The following ESPN variants were observed in gnomAD, a reference collection of about 807,000 sequenced individuals.
ESPN encodes autosomal recessive deafness type 36 protein.
A neutral mutation model predicts 77.7 loss-of-function variants in ESPN; 68 were observed. The observed-to-expected ratio is 0.87, with a 90% CI of 0.72 to 1.07. The LOEUF is 1.07. Among genes scored for constraint, ESPN ranks in the 50% least tolerant of loss-of-function variants. The pLI is 0.00. For synonymous variants in ESPN, 449 were observed against 567.1 expected (o/e 0.79, Z 2.96); for missense variants, 1,060 against 1,239.0 (o/e 0.86, Z 2.17).
intron 7 of ESPN, chr1:6,448,393 C>G (rs1048842736): frequency 2.1e-6 from 1 of 476,950 alleles, no homozygotes; most frequent in Non-Finnish European, 3.7e-6. Flanking sequence ...CAGTGGGGGC[C>G]CCTGTGCCCC....
In ESPN at chr1:6,451,080, G is replaced by A. The variant is rs1248176993; in HGVS notation, c.1916-523G>A. Reference sequence around the variant, plus strand: ...TCTGCTTGTGCATCTGTCTGTGGGTGTGGTGGGGAGGGAGGGGACCAGGTG... The same window carrying A: ...TCTGCTTGTGCATCTGTCTGTGGGTATGGTGGGGAGGGAGGGGACCAGGTG... On this transcript the variant is annotated intron_variant, in intron 8 of 12. Transcript: ENST00000645284. The surrounding 1 kb of genome is among the most constrained non-coding windows in gnomAD (Gnocchi z 4.3). 6.6e-6 allele frequency among the ~76,000 whole-genome samples: 1 copy of A among 152,236 alleles called. No homozygotes were observed. Among genetic ancestry groups the A allele is most frequent in the Admixed American group, 6.5e-5 (1 of 15,288 alleles).
chr1:6,458,032 T>G (rs9435265), intron 12 of ESPN, among the ~76,000 whole-genome samples: 1,613 of 151,580 alleles, frequency 0.011, 37 homozygotes, highest in African/African-American at 0.037. Context: ...AAAAAAAATT[T>G]TTTTTTGAGA....
chr1:6,453,920 G>T (rs1272582152), intron 10 of ESPN, among the ~76,000 whole-genome samples: 1 of 152,220 alleles, frequency 6.6e-6, no homozygotes, highest in African/African-American at 2.4e-5. Context: ...AGCTGCAGCT[G>T]CAGCCTCTTT....
At chr1:6,429,018 C>T (rs768888171) in intron 2 of ESPN, among the ~76,000 whole-genome samples, 10 of 151,822 alleles carry the variant, frequency 6.6e-5, no homozygotes, top group Non-Finnish European at 1.3e-4. Flanking sequence ...GGATCCCAAA[C>T]CTCCTGGGGA....
chr1:6,445,517 C>G, intron 6 of ESPN, 147 bp from the exon 7 acceptor site: 1 of 884,492 alleles, frequency 1.1e-6, no homozygotes, highest in African/African-American at 1.7e-5. Flanking sequence ...AGCCCAGCAC[C>G]GCCAGGGGCC....
rs574098073 is a variant in ESPN at position 6,435,225 on chromosome 1, G to A, written c.489-5029G>A. Among the ~76,000 whole-genome samples, 47 of 152,112 alleles carry A rather than the reference G, an allele frequency of 3.1e-4. No homozygotes were observed. The South Asian group carries it at 9.6e-3, about 31-fold the overall frequency. ...TTTCAATTCAAAGCAGTCACAGGCCGCAGCTGGACTGATCCTCGGATGGAG... is the reference window on the plus strand; with the variant it reads ...TTTCAATTCAAAGCAGTCACAGGCCACAGCTGGACTGATCCTCGGATGGAG... On this transcript the variant is annotated intron_variant, in intron 2 of 12. Transcript: ENST00000645284.
intron 5 of ESPN, among the ~76,000 whole-genome samples, chr1:6,441,957 T>TC (rs1333656507): frequency 6.6e-6 from 1 of 151,906 alleles, no homozygotes; most frequent in African/African-American, 2.4e-5. Context: ...AGGATGAACT[T>TC]CCCCCCGCGA....
intron 2 of ESPN, among the ~76,000 whole-genome samples, chr1:6,433,746 C>A (rs1414213147): frequency 1.3e-5 from 2 of 152,220 alleles, no homozygotes; most frequent in African/African-American, 4.8e-5. Context: ...CCTGCCTTCA[C>A]AGAGGCTGAT....
chr1:6,456,400 G>T, intron 10 of ESPN: 1 of 365,526 alleles, frequency 2.7e-6, no homozygotes. Context: ...GATAGGCAGG[G>T]CAGGCACAGA....
chr1:6,426,221 T>C (rs1643028528), intron 1 of ESPN, among the ~76,000 whole-genome samples: 1 of 152,160 alleles, frequency 6.6e-6, no homozygotes, highest in East Asian at 1.9e-4. Flanking sequence ...CCTTCTGCCT[T>C]CAGATAGCAA....
chr1:6,449,834 G>A (rs1440909245), intron 8 of ESPN, among the ~76,000 whole-genome samples: 1 of 152,172 alleles, frequency 6.6e-6, no homozygotes, highest in Non-Finnish European at 1.5e-5. Flanking sequence ...GAAGGCCCAG[G>A]ACAGAGTGCC....
Position 6,451,607 on chromosome 1 carries a change from C to A in ESPN, c.1920C>A (p.Thr640=). Residue 640 remains threonine (T), a synonymous_variant, in exon 9 of 13, where the codon ACC becomes ACA. Transcript: ENST00000645284. The surrounding 1 kb of genome is among the most constrained non-coding windows in gnomAD (Gnocchi z 4.3). The part of the protein sequence containing the change: ...QRRSSSSTGS[T]KSFNMMSPTG... ...TCATCTCCTGCCTCCGCATAGGCAC[C>A]AAGTCTTTCAACATGATGTCCCCGA... 1.2e-6 allele frequency: 2 copies of A among 1,612,820 alleles called. No homozygotes were observed. The highest frequency in any genetic ancestry group is 1.7e-6 in the Non-Finnish European group (2 of 1,179,794).
intron 10 of ESPN, chr1:6,456,100 CTG>C (rs878958225): frequency 5.0e-6 from 2 of 398,008 alleles, no homozygotes; most frequent in South Asian, 2.5e-4. Flanking sequence ...GAACTGGTGT[CTG>C]AGATGGGCGA....
At chr1:6,439,714 G>A (rs1183704799) in intron 2 of ESPN, among the ~76,000 whole-genome samples, 3 of 152,130 alleles carry the variant, frequency 2.0e-5, no homozygotes, top group Admixed American at 1.3e-4. Context: ...TGTAGACCTC[G>A]GTTAAAAAGT....
At position 6,451,826 on chromosome 1, in the gene ESPN, C is replaced by A; in HGVS notation, c.2062-7C>A. 6.2e-7 allele frequency: 1 copy of A among 1,611,194 alleles called. No homozygotes were observed. Among genetic ancestry groups the A allele is most frequent in the Non-Finnish European group, 8.5e-7 (1 of 1,179,260 alleles). ...CGGGCGCTCAGCCCCACCGCTTCTC[C>A]CTGCAGCCCGATTCGCCGCTGCCTT... On this transcript the variant is annotated splice_region_variant and splice_polypyrimidine_tract_variant and intron_variant, in intron 9 of 12. Coordinates refer to ENST00000645284, the MANE Select transcript of ESPN (RefSeq NM_031475.3). This position sits in a 1 kb window ranked among gnomAD's most constrained non-coding sequence, Gnocchi z 4.3.
At chr1:6,459,228 G>A (rs1220566847) in intron 12 of ESPN, among the ~76,000 whole-genome samples, 3 of 148,936 alleles carry the variant, frequency 2.0e-5, no homozygotes, top group South Asian at 2.1e-4. Flanking sequence ...GTGACAGAGC[G>A]AGACTCTGTC....
chr1:6,458,872 A>C (rs1379019610), intron 12 of ESPN, among the ~76,000 whole-genome samples: 1 of 150,628 alleles, frequency 6.6e-6, no homozygotes, highest in Non-Finnish European at 1.5e-5. Context: ...CGGAGGTTGC[A>C]GTGAGCCAGG....
In ESPN at chr1:6,452,807, T is replaced by C. The variant is rs529540838; in HGVS notation, c.2325+711T>C. Reference sequence around the variant, plus strand: ...GAGCCTCATCCAGCCTCAGTTTCCTTCTCTGTAAGGTGGGCTGATCAGCAC... The same window carrying C: ...GAGCCTCATCCAGCCTCAGTTTCCTCCTCTGTAAGGTGGGCTGATCAGCAC... On this transcript the variant is annotated intron_variant, in intron 10 of 12. Coordinates refer to ENST00000645284, the MANE Select transcript of ESPN (RefSeq NM_031475.3). Among the ~76,000 whole-genome samples the C allele has an allele frequency of 1.2e-3, 182 of 152,302 alleles. 1 individual carries two copies. The highest frequency in any genetic ancestry group is 1.8e-4 in the Non-Finnish European group (12 of 68,028).
rs1643877408 is a variant in ESPN, at chr1:6,447,843, G to A, written c.1465-798G>A. ...GTGGGGGCTCAGCTCCCAGCTTAGGGAGAGGCGCAGGGGGCGGGGTCACAT... is the reference window on the plus strand; with the variant it reads ...GTGGGGGCTCAGCTCCCAGCTTAGGAAGAGGCGCAGGGGGCGGGGTCACAT... On this transcript the variant is annotated intron_variant, in intron 7 of 12. Transcript: ENST00000645284. This position sits in a 1 kb window ranked among gnomAD's most constrained non-coding sequence, Gnocchi z 5.2. Among the ~76,000 whole-genome samples the A allele has an allele frequency of 6.6e-6, 1 of 152,052 alleles. No homozygotes were observed. Among genetic ancestry groups the A allele is most frequent in the African/African-American group, 2.4e-5 (1 of 41,412 alleles).
Sources: gnomAD v4.1 joint callset for allele counts (sites outside exome capture counted in the v4.1 genomes callset) on GRCh38, gnomAD v4.1.1 for gene constraint, Gnocchi (gnomAD v3.1) non-coding constraint, MANE v1.5 for transcripts, NCBI Gene and HGNC (gene_info 2026-07-23, HGNC 2026-07-21) for gene names.